Variants in TAFA5 observed in about 807,000 individuals in gnomAD.
TAFA5 encodes the protein chemokine-like protein TAFA-5.
Under a neutral mutation model 15.3 loss-of-function variants are expected in TAFA5, and 6 were observed. The ratio of observed to expected loss-of-function variants is 0.39; its 90% CI spans 0.21 to 0.77. The LOEUF is 0.77. TAFA5 is among the 30% of genes least tolerant of loss of function. TAFA5 has a pLI of 0.41. For synonymous variants in TAFA5, 103 were observed against 80.7 expected (o/e 1.28, Z -1.48); for missense variants, 161 against 193.1 (o/e 0.83, Z 0.98).
chr22:48,578,155 C>G (rs576763884), intron 1 of TAFA5, among the ~76,000 whole-genome samples: 1 of 152,176 alleles, frequency 6.6e-6, no homozygotes, highest in Non-Finnish European at 1.5e-5. Flanking sequence ...GATTGGCTTG[C>G]GGAAAGGGCG....
At chr22:48,587,091 T>C (rs1428213188) in intron 1 of TAFA5, among the ~76,000 whole-genome samples, 1 of 152,254 alleles carries the variant, frequency 6.6e-6, no homozygotes, top group African/African-American at 2.4e-5. Flanking sequence ...TCATGGCACA[T>C]GCAGGTCTCT....
chr22:48,553,400 C>T (rs932346580), intron 1 of TAFA5, among the ~76,000 whole-genome samples: 8 of 152,124 alleles, frequency 5.3e-5, no homozygotes, highest in South Asian at 2.1e-4. Context: ...TGCCCGGAGG[C>T]GCCCGGGCCA....
intron 3 of TAFA5, among the ~76,000 whole-genome samples, chr22:48,729,013 G>A (rs969741718): frequency 2.0e-5 from 3 of 152,088 alleles, no homozygotes; most frequent in African/African-American, 4.8e-5. Context: ...CTAGTGTATC[G>A]ATCGCTAAAT....
At chr22:48,579,756 G>A (rs917270350) in intron 1 of TAFA5, among the ~76,000 whole-genome samples, 1 of 152,230 alleles carries the variant, frequency 6.6e-6, no homozygotes, top group African/African-American at 2.4e-5. Context: ...TAAACAGAAG[G>A]ATAGGAAAAT....
intron 1 of TAFA5, among the ~76,000 whole-genome samples, chr22:48,610,245 C>T (rs552349554): frequency 1.3e-5 from 2 of 152,138 alleles, no homozygotes; most frequent in Admixed American, 6.5e-5. Context: ...TACTGGAGGA[C>T]AGGCCGGAGG....
chr22:48,556,369 G>C (rs1923039016), intron 1 of TAFA5, among the ~76,000 whole-genome samples: 1 of 152,208 alleles, frequency 6.6e-6, no homozygotes, highest in Non-Finnish European at 1.5e-5. Flanking sequence ...ACCACAGGGA[G>C]AAGCAATTAA....
chr22:48,706,827 G>A (rs540344480), intron 2 of TAFA5, among the ~76,000 whole-genome samples: 4 of 152,188 alleles, frequency 2.6e-5, no homozygotes, highest in East Asian at 1.9e-4. Flanking sequence ...TTCCCGCAGC[G>A]AAGGTTATGT....
At chr22:48,511,004 C>T (rs1054020378) in intron 1 of TAFA5, among the ~76,000 whole-genome samples, 2 of 152,232 alleles carry the variant, frequency 1.3e-5, no homozygotes, top group African/African-American at 4.8e-5. Flanking sequence ...GTGCCTGGCC[C>T]ACATGGATAT....
At chr22:48,747,001 C>T (rs1163429028) in intron 3 of TAFA5, among the ~76,000 whole-genome samples, 1 of 152,210 alleles carries the variant, frequency 6.6e-6, no homozygotes, top group Non-Finnish European at 1.5e-5. Context: ...AGAGTGGGCT[C>T]AACGCCCTGG....
At chr22:48,731,564 T>C (rs1467226600) in intron 3 of TAFA5, among the ~76,000 whole-genome samples, 1 of 152,228 alleles carries the variant, frequency 6.6e-6, no homozygotes, top group Non-Finnish European at 1.5e-5. Context: ...TTTTCCATTC[T>C]GAAAACCCCA....
intron 2 of TAFA5, among the ~76,000 whole-genome samples, chr22:48,663,844 A>G (rs1264356306): frequency 6.6e-6 from 1 of 152,212 alleles, no homozygotes; most frequent in Admixed American, 6.5e-5. Context: ...TGTGTTCAAG[A>G]CACCCTTATT....
intron 3 of TAFA5, among the ~76,000 whole-genome samples, chr22:48,739,399 C>T (rs1014106768): frequency 6.6e-6 from 1 of 152,200 alleles, no homozygotes; most frequent in Non-Finnish European, 1.5e-5. Context: ...TACACGCCTT[C>T]CTTTCCAGGG....
intron 1 of TAFA5, among the ~76,000 whole-genome samples, chr22:48,563,534 T>C (rs1923310536): frequency 6.6e-6 from 1 of 152,188 alleles, no homozygotes; most frequent in South Asian, 2.1e-4. Flanking sequence ...GGGGCCTGGC[T>C]CCCAGAGGGT....
At chr22:48,641,458 C>T (rs2147198241) in intron 1 of TAFA5, among the ~76,000 whole-genome samples, 1 of 152,208 alleles carries the variant, frequency 6.6e-6, no homozygotes, top group African/African-American at 2.4e-5. Context: ...ACGATGATGT[C>T]ACTGCCTTTC....
intron 2 of TAFA5, among the ~76,000 whole-genome samples, chr22:48,654,381 C>T (rs1374111209): frequency 6.6e-5 from 10 of 152,212 alleles, no homozygotes; most frequent in Non-Finnish European, 5.9e-5. Flanking sequence ...GCATCGTCCA[C>T]GGGCCTACAG....
At chr22:48,730,385 C>A (rs1206828443) in intron 3 of TAFA5, among the ~76,000 whole-genome samples, 3 of 147,114 alleles carry the variant, frequency 2.0e-5, no homozygotes, top group African/African-American at 2.5e-5. Context: ...GACTGTGTCT[C>A]AAAAAAAAAA....
At chr22:48,667,798 C>T (rs1190728536) in intron 2 of TAFA5, among the ~76,000 whole-genome samples, 1 of 78,006 alleles carries the variant, frequency 1.3e-5, no homozygotes, top group Non-Finnish European at 2.3e-5. Flanking sequence ...CACTCAGGAC[C>T]GCGTCTTCAC....
At chr22:48,516,698 A>G (rs961168802) in intron 1 of TAFA5, among the ~76,000 whole-genome samples, 2 of 152,190 alleles carry the variant, frequency 1.3e-5, no homozygotes, top group Non-Finnish European at 2.9e-5. Context: ...GTGGCCCTTC[A>G]TGAAATCCCC....
chr22:48,496,013 G>A (rs1298568915), intron 1 of TAFA5, among the ~76,000 whole-genome samples: 1 of 152,330 alleles, frequency 6.6e-6, no homozygotes, highest in Admixed American at 6.5e-5. Flanking sequence ...AGGTGCTGTG[G>A]TGCTCCTATC....
Sources: gnomAD v4.1 joint callset for allele counts (sites outside exome capture counted in the v4.1 genomes callset) on GRCh38, gnomAD v4.1.1 for gene constraint, MANE v1.5 for transcripts, NCBI Gene and HGNC (gene_info 2026-07-23, HGNC 2026-07-21) for gene names.